Variants in UBAP2 observed in about 807,000 individuals in gnomAD.
UBAP2 encodes the protein ubiquitin associated protein 2.
In UBAP2, 75 loss-of-function variants were observed where a neutral mutation model predicts 139.6. That is an observed-to-expected ratio of 0.54 (90% CI 0.45 to 0.65). The LOEUF (loss-of-function observed/expected upper bound fraction) is 0.65. Ranked by LOEUF, UBAP2 falls within the 30% of genes least tolerant of loss-of-function variation. The pLI, the probability that UBAP2 is intolerant of heterozygous loss-of-function variation, is 0.00. For missense variants in UBAP2, 1,368 were observed against 1,369.6 expected, an observed-to-expected ratio of 1.00 and a Z score of 0.02; for synonymous variants, 526 against 526.2, an observed-to-expected ratio of 1.00 and a Z score of 0.01.
chr9:33,955,907 T>C (rs1826522304), intron 11 of UBAP2, among the ~76,000 whole-genome samples, 172 bp downstream of exon 11: 1 of 151,784 alleles, frequency 6.6e-6, no homozygotes, highest in African/African-American at 2.4e-5. Context: ...ATACATCAAT[T>C]AGAAAATGAT....
intron 1 of UBAP2, among the ~76,000 whole-genome samples, chr9:34,029,526 C>G (rs1051165032): frequency 2.0e-4 from 26 of 131,630 alleles, no homozygotes; most frequent in African/African-American, 6.8e-4. Context: ...CAAAACTTCT[C>G]AAAAAAAAAA....
intron 1 of UBAP2, among the ~76,000 whole-genome samples, chr9:34,022,359 C>G (rs1476300507): frequency 6.6e-6 from 1 of 151,600 alleles, no homozygotes; most frequent in Non-Finnish European, 1.5e-5. Flanking sequence ...TAAGTCCCAG[C>G]TATTCAGGAG....
chr9:33,958,324 C>T (rs530775714), intron 10 of UBAP2, among the ~76,000 whole-genome samples: 14 of 151,856 alleles, frequency 9.2e-5, no homozygotes, highest in Middle Eastern at 6.8e-3. Flanking sequence ...CAAATTAAAT[C>T]GATTTACGAA....
intron 2 of UBAP2, among the ~76,000 whole-genome samples, chr9:34,003,691 G>A (rs747301422): frequency 2.4e-4 from 36 of 151,802 alleles, no homozygotes; most frequent in Non-Finnish European, 3.8e-4. Context: ...ACAGGCGTGA[G>A]CCACCACACA....
intron 1 of UBAP2, among the ~76,000 whole-genome samples, chr9:34,036,012 AG>A (rs1296915211): frequency 1.3e-5 from 2 of 152,168 alleles, no homozygotes; most frequent in African/African-American, 4.8e-5. Context: ...CAAACAAAAT[AG>A]AACAAAGCAA....
rs907939294 is a variant in UBAP2 at position 34,039,328 on chromosome 9, C to T, written c.-42+9497G>A. Among the ~76,000 whole-genome samples, 79 of 152,238 alleles carry T rather than the reference C, an allele frequency of 5.2e-4. 1 individual carries two copies. In the Middle Eastern group the frequency reaches 0.02, roughly 39 times the overall value. Reference sequence around the variant, plus strand: ...CTGGGAAGTGAGGAGCCCCTCTGCCCGGCCGCCACCTCATCTGGGAGGTGT... The same window carrying T: ...CTGGGAAGTGAGGAGCCCCTCTGCCTGGCCGCCACCTCATCTGGGAGGTGT... On this transcript the variant is annotated intron_variant, in intron 1 of 28. Coordinates refer to ENST00000379238, the MANE Select transcript of UBAP2 (RefSeq NM_001370062.2).
At chr9:33,974,596 C>T (rs1445986073) in intron 6 of UBAP2, among the ~76,000 whole-genome samples, 1 of 152,034 alleles carries the variant, frequency 6.6e-6, no homozygotes, top group Non-Finnish European at 1.5e-5. Flanking sequence ...TATATCTGAT[C>T]ACAGAGTAAC....
chr9:33,974,020 A>C (rs958316514), intron 6 of UBAP2, among the ~76,000 whole-genome samples: 1 of 152,220 alleles, frequency 6.6e-6, no homozygotes, highest in Non-Finnish European at 1.5e-5. Flanking sequence ...AGCCTGGGCA[A>C]CATAGGGAGA....
At chr9:34,011,200 A>T (rs565279860) in intron 2 of UBAP2, among the ~76,000 whole-genome samples, 2 of 152,292 alleles carry the variant, frequency 1.3e-5, no homozygotes, top group African/African-American at 2.4e-5. Flanking sequence ...TGGGGCTTAT[A>T]TATGTTTCTA....
rs184487892 is a variant in UBAP2, at chr9:34,020,191, A to G, written c.-41-3002T>C. On this transcript the variant is annotated intron_variant, in intron 1 of 28. Transcript: ENST00000379238. Reference sequence around the variant, plus strand: ...AAAAAACTAAGAGATAAACACACACATTAGTCTAGGCCTACACAGGGTCAG... The same window carrying G: ...AAAAAACTAAGAGATAAACACACACGTTAGTCTAGGCCTACACAGGGTCAG... Among the ~76,000 whole-genome samples the G allele has an allele frequency of 2.0e-5, 3 of 151,290 alleles. No homozygotes were observed. The East Asian group carries it at 5.8e-4, about 29-fold the overall frequency.
At chr9:33,990,889 G>A (rs935981697) in intron 4 of UBAP2, among the ~76,000 whole-genome samples, 2 of 152,040 alleles carry the variant, frequency 1.3e-5, no homozygotes, top group African/African-American at 4.8e-5. Flanking sequence ...CACCTACCTC[G>A]GCCTCCCAAA....
At chr9:34,011,479 GAAAA>G in intron 2 of UBAP2, 1 of 287,274 alleles carries the variant, frequency 3.5e-6, no homozygotes, top group Non-Finnish European at 5.2e-6. Context: ...GCATATTTAT[GAAAA>G]TAAATTTTAA....
In UBAP2 at chr9:33,932,646, G is replaced by A. The variant is rs199621223; in HGVS notation, c.2109-18C>T. The A allele has an allele frequency of 6.2e-7, 1 of 1,613,496 alleles. No individual in the cohort carries two copies. Among genetic ancestry groups the A allele is most frequent in the Admixed American group, 1.7e-5 (1 of 59,976 alleles). ...AGAGCGAACTAGAAGACAAAACAGA[G>A]CGCCGTATGTCCACCTGAACAAGTG... On this transcript the variant is annotated intron_variant, in intron 18 of 28. Coordinates refer to ENST00000379238, the MANE Select transcript of UBAP2 (RefSeq NM_001370062.2).
intron 4 of UBAP2, among the ~76,000 whole-genome samples, chr9:33,991,501 A>C (rs532958485): frequency 5.2e-4 from 79 of 152,342 alleles, no homozygotes; most frequent in South Asian, 3.3e-3. Flanking sequence ...CCTTGATAGA[A>C]AAAGCAAGCT....
chr9:34,022,433 CTTTTT>C (rs11387718), intron 1 of UBAP2, among the ~76,000 whole-genome samples: 4 of 112,372 alleles, frequency 3.6e-5, no homozygotes, highest in African/African-American at 6.9e-5. Flanking sequence ...AGCAAGACCC[CTTTTT>C]TTTTTTTTTT....
At chr9:33,926,383 C>T (rs1823431132) in intron 22 of UBAP2, among the ~76,000 whole-genome samples, 1 of 152,202 alleles carries the variant, frequency 6.6e-6, no homozygotes, top group African/African-American at 2.4e-5. Flanking sequence ...ACCAGGGCCC[C>T]AGGTCCCAAA....
At chr9:33,934,303 G>A (rs1338656178) in intron 17 of UBAP2, 1 of 155,978 alleles carries the variant, frequency 6.4e-6, no homozygotes, top group East Asian at 1.9e-4. Context: ...GCTGTGGAAA[G>A]ACTCAGTCTC....
chr9:33,972,182 T>G (rs1021539306), intron 7 of UBAP2, among the ~76,000 whole-genome samples: 1 of 152,208 alleles, frequency 6.6e-6, no homozygotes, highest in African/African-American at 2.4e-5. Context: ...ACAGAAACAT[T>G]AGATAAAGAA....
chr9:34,025,826 C>T (rs1229395216), intron 1 of UBAP2, among the ~76,000 whole-genome samples: 1 of 152,158 alleles, frequency 6.6e-6, no homozygotes, highest in Non-Finnish European at 1.5e-5. Flanking sequence ...GTGATCCTCC[C>T]ACCTTGGCCT....
Sources: gnomAD v4.1 joint callset for allele counts (sites outside exome capture counted in the v4.1 genomes callset) on GRCh38, gnomAD v4.1.1 for gene constraint, MANE v1.5 for transcripts, NCBI Gene and HGNC (gene_info 2026-07-23, HGNC 2026-07-21) for gene names.